The following B9D1 variants were observed in gnomAD, a reference collection of about 807,000 sequenced individuals.
The protein encoded by B9D1 is B9 domain containing 1.
In B9D1, 20 loss-of-function variants were observed where a neutral mutation model predicts 26.1. The ratio of observed to expected loss-of-function variants is 0.77; its 90% CI spans 0.54 to 1.12. The LOEUF (loss-of-function observed/expected upper bound fraction) is 1.12, where lower values mean the gene tolerates loss of function less well. Ranked by LOEUF, B9D1 falls within the 50% of genes most tolerant of loss-of-function variation. B9D1 has a pLI of 0.00. For synonymous variants in B9D1, 105 were observed against 103.1 expected (o/e 1.02, Z -0.11); for missense variants, 260 against 273.7 (o/e 0.95, Z 0.35).
chr17:19,371,138 G>C (rs1469331840), intron 1 of B9D1: 1 of 152,456 alleles, frequency 6.6e-6, no homozygotes, highest in Admixed American at 6.5e-5. Flanking sequence ...GACGCAGAGC[G>C]AACAGGCAGC....
rs1214262688 is a variant in B9D1, at chr17:19,362,528, G to T, written c.42C>A (p.Asn14Lys). 2 of 1,582,420 alleles carry T rather than the reference G, an allele frequency of 1.3e-6. No homozygotes were observed. Among genetic ancestry groups the T allele is most frequent in the Admixed American group, 3.6e-5 (2 of 55,988 alleles). ...TCACCTGGGCGCTCTCCACCTGCCC[G>T]TTGACCATGAGTAGAAAGACGCTAG... ...ASPSVFLLMVNGQVESAQFPE... is the reference protein window; with the variant it reads ...ASPSVFLLMVKGQVESAQFPE... Residue 14 changes from asparagine to lysine, a missense_variant, in exon 1 of 7, where the codon AAC (asparagine) becomes AAA (lysine). By Grantham distance (94) the Asn-to-Lys change is moderately conservative. Coordinates refer to ENST00000261499, the MANE Select transcript of B9D1 (RefSeq NM_015681.6).
At chr17:19,358,669 C>T (rs925745191) in intron 2 of B9D1, among the ~76,000 whole-genome samples, 1 of 152,234 alleles carries the variant, frequency 6.6e-6, no homozygotes, top group African/African-American at 2.4e-5. Flanking sequence ...GGCCCCTGCT[C>T]AGTGGCTCTT....
intron 1 of B9D1, among the ~76,000 whole-genome samples, chr17:19,375,037 C>T (rs576850412): frequency 3.9e-5 from 6 of 152,294 alleles, no homozygotes; most frequent in Admixed American, 2.6e-4. Context: ...TGCCTGTAAT[C>T]CCAGCACTTT....
At chr17:19,377,593 C>G (rs909751129) in intron 1 of B9D1, 1 of 154,570 alleles carries the variant, frequency 6.5e-6, no homozygotes, top group Non-Finnish European at 1.4e-5. Flanking sequence ...GAAAACCTTT[C>G]CTTCCAGCTC....
chr17:19,371,451 G>A (rs1166706173), intron 1 of B9D1: 1 of 152,256 alleles, frequency 6.6e-6, no homozygotes, highest in Non-Finnish European at 1.5e-5. Context: ...CCGGGGAACA[G>A]ATCACTACTC....
At chr17:19,349,831 G>C (rs1360055109) in intron 3 of B9D1, among the ~76,000 whole-genome samples, 1 of 152,162 alleles carries the variant, frequency 6.6e-6, no homozygotes, top group Non-Finnish European at 1.5e-5. Context: ...AGTCCTGCCA[G>C]AAAATCTTCC....
intron 2 of B9D1, among the ~76,000 whole-genome samples, chr17:19,358,351 T>A (rs1910626784): frequency 6.6e-6 from 1 of 152,196 alleles, no homozygotes; most frequent in Non-Finnish European, 1.5e-5. Context: ...CTTTCAACTC[T>A]GCGGCTTCTT....
chr17:19,361,535 T>G (rs887120102), intron 1 of B9D1, among the ~76,000 whole-genome samples: 2 of 151,744 alleles, frequency 1.3e-5, no homozygotes, highest in Non-Finnish European at 2.9e-5. Context: ...CACAGACACA[T>G]GTGACTCAGC....
At chr17:19,377,907 C>CGG in exon 1 of B9D1, 1 of 985,386 alleles carries the variant, frequency 1.0e-6, no homozygotes, top group Non-Finnish European at 1.2e-6. Context: ...CCGGAAGCTG[C>CGG]GGAGAGGCTC....
chr17:19,336,110 TC>T (rs1262205564), downstream of B9D1: 2 of 152,254 alleles, frequency 1.3e-5, no homozygotes, highest in African/African-American at 2.4e-5. Context: ...CTCATGCTGT[TC>T]CTGAGGCCGC....
At chr17:19,373,266 G>A (rs2152285122) in intron 1 of B9D1, among the ~76,000 whole-genome samples, 1 of 152,278 alleles carries the variant, frequency 6.6e-6, no homozygotes, top group Non-Finnish European at 1.5e-5. Context: ...GACTAAAAGA[G>A]TCTCAAAGCA....
chr17:19,357,802 C>T lies in B9D1; in HGVS notation c.244+38G>A, dbSNP rs373773751. The T allele has an allele frequency of 1.1e-5, 16 of 1,511,470 alleles. No individual in the cohort carries two copies. The African/African-American group carries it at 2.2e-4, about 21-fold the overall frequency. 93.6% of individuals were successfully genotyped at this position (1,511,470 alleles called of 1,614,324 possible). A position where few individuals can be genotyped will look rare whatever the true frequency, so the allele number is the denominator to read the frequency against. On this transcript the variant is annotated intron_variant, in intron 3 of 6. Coordinates refer to ENST00000261499, the MANE Select transcript of B9D1 (RefSeq NM_015681.6). ...CTGTCTTGGGGGTGCTGTGTGAAAGCTCTGCCACCCTACCCCACAGGGCCC... is the reference window on the plus strand; with the variant it reads ...CTGTCTTGGGGGTGCTGTGTGAAAGTTCTGCCACCCTACCCCACAGGGCCC...
At chr17:19,352,814 C>T (rs1302844418) in intron 3 of B9D1, among the ~76,000 whole-genome samples, 1 of 151,838 alleles carries the variant, frequency 6.6e-6, no homozygotes, top group Non-Finnish European at 1.5e-5. Flanking sequence ...AGCCACTGCG[C>T]CCAGCCTATG....
intron 6 of B9D1, 143 bp downstream of exon 6, chr17:19,343,647 A>AC: frequency 6.3e-7 from 1 of 1,590,740 alleles, no homozygotes; most frequent in Middle Eastern, 1.7e-4. Context: ...CTGTGCTCCA[A>AC]CCAGGCCCTC....
At chr17:19,339,313 A>G (rs1476732005), downstream of B9D1, among the ~76,000 whole-genome samples, 4 of 152,098 alleles carry the variant, frequency 2.6e-5, no homozygotes, top group African/African-American at 9.7e-5. Flanking sequence ...AACAGTAGCC[A>G]ACTCACACTG....
At chr17:19,344,378 C>A in intron 5 of B9D1, 1 of 221,414 alleles carries the variant, frequency 4.5e-6, no homozygotes, top group Non-Finnish European at 9.3e-6. Flanking sequence ...TGTCACTTCC[C>A]ATCTTGGCAC....
At chr17:19,348,339 A>T (rs1431717225) in intron 3 of B9D1, among the ~76,000 whole-genome samples, 2 of 152,028 alleles carry the variant, frequency 1.3e-5, no homozygotes, top group Non-Finnish European at 2.9e-5. Context: ...CCTTCTGGGC[A>T]TTTTCCTTTA....
At chr17:19,360,496 T>C (rs1910908978) in intron 1 of B9D1, 108 bp from the exon 2 acceptor site, 3 of 970,194 alleles carry the variant, frequency 3.1e-6, no homozygotes, top group Non-Finnish European at 1.7e-6. Flanking sequence ...CACCTGGGAG[T>C]GGGTCTAAGA....
downstream of B9D1, chr17:19,341,168 C>A (rs943872466): frequency 8.1e-7 from 1 of 1,231,030 alleles, no homozygotes; most frequent in Non-Finnish European, 1.0e-6. Context: ...TTCCCAGCTG[C>A]TGACAGGCTG....
Sources: allele counts gnomAD v4.1 joint callset (sites outside exome capture counted in the v4.1 genomes callset), GRCh38; gene constraint gnomAD v4.1.1; transcripts MANE v1.5; gene names NCBI Gene and HGNC (gene_info 2026-07-23, HGNC 2026-07-21).